PNPLA7: variants seen among roughly 807,000 people sequenced by gnomAD.
The protein encoded by PNPLA7 is patatin like domain 7, lysophospholipase.
Under a neutral mutation model 161.7 loss-of-function variants are expected in PNPLA7, and 153 were observed. The observed-to-expected ratio is 0.95, with a 90% confidence interval of 0.83 to 1.08. The LOEUF (loss-of-function observed/expected upper bound fraction) is 1.08, where lower values mean the gene tolerates loss of function less well. PNPLA7 is among the 50% of genes least tolerant of loss of function. PNPLA7 has a pLI of 0.00. For synonymous variants in PNPLA7, 809 were observed against 782.1 expected (o/e 1.03, Z -0.57); for missense variants, 1,739 against 1,856.6 (o/e 0.94, Z 1.16).
In PNPLA7 at chr9:137,511,397, G is replaced by A. The variant is rs186733517; in HGVS notation, c.1225+3982C>T. ...GGCCTGGTGGTAGCGCCAGCGCCTG[G>A]GAAGGTACCCGTTACTCAGCAGACC... On this transcript the variant is annotated intron_variant, in intron 12 of 34. Coordinates refer to ENST00000406427, the MANE Select transcript of PNPLA7 (RefSeq NM_001098537.3). Among the ~76,000 whole-genome samples the A allele has an allele frequency of 4.0e-3, 611 of 151,290 alleles. 3 individuals are homozygous for A. The highest frequency in any genetic ancestry group is 0.014 in the African/African-American group (578 of 41,196).
intron 12 of PNPLA7, among the ~76,000 whole-genome samples, chr9:137,510,237 T>C (rs539837261): frequency 2.0e-5 from 3 of 152,272 alleles, no homozygotes; most frequent in Non-Finnish European, 4.4e-5. Flanking sequence ...TCTGCTCCTC[T>C]ACCTCTTGTG....
rs1280427865 is a variant in PNPLA7, at chr9:137,484,716, T to C, written c.2218A>G (p.Thr740Ala). 1 of 1,610,852 alleles carries C rather than the reference T, an allele frequency of 6.2e-7. No individual in the cohort carries two copies. Among genetic ancestry groups the C allele is most frequent in the Non-Finnish European group, 8.5e-7 (1 of 1,178,568 alleles). The change falls in exon 21 of 35, where the codon ACG (threonine) becomes GCG (alanine). Residue 740 changes from threonine (T) to alanine (A), a missense_variant. Physicochemically the swap from Thr to Ala is moderately conservative, Grantham distance 58. This residue lies in a region of PNPLA7 where 192 missense variants were observed against 249.5 expected (regional missense o/e 0.77). Transcript: ENST00000406427. ...PVTGHQLGLP[T>A]EGSKWDLGNP... is the part of the protein sequence containing the mutation. ...CCCAAGTCCCACTTGCTGCCCTCCGTGGGGAGCCCAAGCTGGTGGCCTGTG... is the reference window on the plus strand; with the variant it reads ...CCCAAGTCCCACTTGCTGCCCTCCGCGGGGAGCCCAAGCTGGTGGCCTGTG...
intron 12 of PNPLA7, among the ~76,000 whole-genome samples, chr9:137,511,265 TGGCCTGGTGGTA>T (rs1219248585): frequency 6.7e-6 from 1 of 150,232 alleles, no homozygotes; most frequent in East Asian, 2.0e-4. Flanking sequence ...TAGTGGACCT[TGGCCTGGTGGTA>T]GCGCCAGCAC....
intron 33 of PNPLA7, chr9:137,461,090 A>C (rs1030194534): frequency 2.9e-6 from 1 of 348,918 alleles, no homozygotes; most frequent in Non-Finnish European, 5.4e-6. Context: ...GCAGCCATGA[A>C]GACGTCTCCC....
In PNPLA7 at chr9:137,479,087, C is replaced by A; in HGVS notation, c.2732G>T (p.Arg911Leu). The change falls in exon 24 of 35, where the codon CGC becomes CTC. Residue 911 changes from arginine to leucine, a missense_variant. By Grantham distance (102) the Arg-to-Leu change is moderately radical. Transcript: ENST00000406427. ...GGGCAGGCTCCTCCTGGAGAAGACG[C>A]GGCGCGGGCAGCAGAGGTGCAGGTG... ...SGHLHLCCPR[R>L]VFSRRSLPKL... 4 of 1,596,740 alleles carry A rather than the reference C, an allele frequency of 2.5e-6. No homozygotes were observed. The South Asian group carries it at 4.5e-5, about 18-fold the overall frequency.
At chr9:137,494,516 G>T (rs1247900652) in intron 19 of PNPLA7, among the ~76,000 whole-genome samples, 1 of 152,136 alleles carries the variant, frequency 6.6e-6, no homozygotes, top group Non-Finnish European at 1.5e-5. Flanking sequence ...TTTGGGACAT[G>T]GCCTGTGCCA....
chr9:137,517,271 C>T (rs1834647615), intron 11 of PNPLA7, among the ~76,000 whole-genome samples: 1 of 106,566 alleles, frequency 9.4e-6, no homozygotes. Context: ...CCACTCCATC[C>T]CTCACTCACT....
intron 8 of PNPLA7, among the ~76,000 whole-genome samples, chr9:137,538,320 C>T (rs1180154811): frequency 6.6e-6 from 1 of 151,934 alleles, no homozygotes; most frequent in African/African-American, 2.4e-5. Context: ...CCCCAGGCCC[C>T]AAACAGCTCA....
In PNPLA7 at chr9:137,536,652, T is replaced by G. The variant is rs180773766; in HGVS notation, c.747+3990A>C. On this transcript the variant is annotated intron_variant, in intron 8 of 34. Transcript: ENST00000406427. Reference sequence around the variant, plus strand: ...GAAAGGAAATTTAACTATAGTACACTACATAGCTCAGCTGTGAATAGTATC... The same window carrying G: ...GAAAGGAAATTTAACTATAGTACACGACATAGCTCAGCTGTGAATAGTATC... Among the ~76,000 whole-genome samples the G allele has an allele frequency of 9.4e-4, 143 of 152,278 alleles. 1 individual carries two copies. The highest frequency in any genetic ancestry group is 3.3e-3 in the African/African-American group (138 of 41,548).
chr9:137,530,215 T>A (rs1042502662), intron 8 of PNPLA7, among the ~76,000 whole-genome samples: 3 of 152,340 alleles, frequency 2.0e-5, no homozygotes, highest in African/African-American at 4.8e-5. Context: ...TCTGCCCGCC[T>A]CGGCCTCCCA....
intron 8 of PNPLA7, among the ~76,000 whole-genome samples, chr9:137,538,157 G>A (rs905326217): frequency 6.6e-6 from 1 of 152,160 alleles, no homozygotes; most frequent in African/African-American, 2.4e-5. Context: ...GATGAGCACC[G>A]GCCTTCTAAC....
In PNPLA7 at chr9:137,486,541, G is replaced by A. The variant is rs1832493161; in HGVS notation, c.2198-1805C>T. Among the ~76,000 whole-genome samples the A allele has an allele frequency of 6.6e-6, 1 of 152,086 alleles. No individual in the cohort carries two copies. The highest frequency in any genetic ancestry group is 1.5e-5 in the Non-Finnish European group (1 of 68,008). On this transcript the variant is annotated intron_variant, in intron 20 of 34. Transcript: ENST00000406427. This position sits in a 1 kb window ranked among gnomAD's most constrained non-coding sequence, Gnocchi z 6.0. ...ATGCAGGCAGAAACAGATAAATGAT[G>A]CTGCCCATCCCACATCCCGAATGAG...
chr9:137,469,373 CAG>C (rs1452744720), intron 25 of PNPLA7, among the ~76,000 whole-genome samples: 1 of 152,160 alleles, frequency 6.6e-6, no homozygotes, highest in Non-Finnish European at 1.5e-5. Context: ...AGAAAGCAGA[CAG>C]GGAGGGAGCT....
Position 137,522,729 on chromosome 9 carries a change from C to T in PNPLA7, c.876G>A (p.Gln292=). Residue 292 remains glutamine, a splice_region_variant and synonymous_variant, in exon 9 of 35, where the codon CAG becomes CAA. Coordinates refer to ENST00000406427, the MANE Select transcript of PNPLA7 (RefSeq NM_001098537.3). ...AGAGTTGTCTGAAAAAGTGACTCAC[C>T]TGCACCACCCTCACCAGAGTTTCCG... is the stretch of plus-strand genomic sequence containing the variant. The part of the protein sequence containing the change: ...KYPETLVRVV[Q]IIMVRLQRVT... 1 of 1,613,436 alleles carries T rather than the reference C, an allele frequency of 6.2e-7. No homozygotes were observed. The highest frequency in any genetic ancestry group is 8.5e-7 in the Non-Finnish European group (1 of 1,179,788).
rs1461277747 is a variant in PNPLA7 at position 137,543,309 on chromosome 9, C to G, written c.506+123G>C. ...CGCCACGGGGCACAGACACCAGCAGCCCCACGATGCGCTTTGCCAACCATT... is the reference window on the plus strand; with the variant it reads ...CGCCACGGGGCACAGACACCAGCAGGCCCACGATGCGCTTTGCCAACCATT... On this transcript the variant is annotated intron_variant, in intron 6 of 34. Coordinates refer to ENST00000406427, the MANE Select transcript of PNPLA7 (RefSeq NM_001098537.3). This position sits in a 1 kb window ranked among gnomAD's most constrained non-coding sequence, Gnocchi z 6.9. The G allele has an allele frequency of 2.8e-5, 35 of 1,253,330 alleles. No individual in the cohort carries two copies. Among genetic ancestry groups the G allele is most frequent in the Non-Finnish European group, 4.0e-5 (35 of 881,558 alleles). The allele number at this position is 1,253,330 out of a possible 1,614,324, so 77.6% of individuals were successfully genotyped here.
At chr9:137,531,609 C>T (rs1396608532) in intron 8 of PNPLA7, among the ~76,000 whole-genome samples, 7 of 152,162 alleles carry the variant, frequency 4.6e-5, no homozygotes, top group South Asian at 2.1e-4. Flanking sequence ...GAGAAATCAA[C>T]GGTGGTGTCA....
At chr9:137,525,081 C>G (rs1835232182) in intron 8 of PNPLA7, among the ~76,000 whole-genome samples, 1 of 152,198 alleles carries the variant, frequency 6.6e-6, no homozygotes, top group South Asian at 2.1e-4. Context: ...CAGGAGGGAG[C>G]TGGCCATGCA....
rs1171642781 is a variant in PNPLA7, at chr9:137,497,175, C to T, written c.2013+12G>A. 1 of 1,562,588 alleles carries T rather than the reference C, an allele frequency of 6.4e-7. No homozygotes were observed. Among genetic ancestry groups the T allele is most frequent in the Admixed American group, 1.8e-5 (1 of 54,496 alleles). On this transcript the variant is annotated intron_variant, in intron 18 of 34. Coordinates refer to ENST00000406427, the MANE Select transcript of PNPLA7 (RefSeq NM_001098537.3). ...AGAGGTGGGGGAGGCAGGAGCAGGG[C>T]CCAGCACCTACCACGCCGACGAGGT...
intron 8 of PNPLA7, among the ~76,000 whole-genome samples, chr9:137,527,033 C>T (rs1835335517): frequency 6.6e-6 from 1 of 152,008 alleles, no homozygotes; most frequent in Non-Finnish European, 1.5e-5. Flanking sequence ...CTTTGGGAGG[C>T]CGAGGCAGGT....
Sources: gnomAD v4.1 joint callset for allele counts (sites outside exome capture counted in the v4.1 genomes callset) on GRCh38, gnomAD v4.1.1 for gene constraint, gnomAD v4.1.1 regional missense constraint, Gnocchi (gnomAD v3.1) non-coding constraint, MANE v1.5 for transcripts, NCBI Gene and HGNC (gene_info 2026-07-23, HGNC 2026-07-21) for gene names.